SNX7: variants seen among roughly 807,000 people sequenced by gnomAD.
SNX7 encodes sorting nexin 7.
In SNX7, 35 loss-of-function variants were observed where a neutral mutation model predicts 48.4. The ratio of observed to expected loss-of-function variants is 0.72; its 90% CI spans 0.55 to 0.96. SNX7 has a LOEUF of 0.96. Among genes scored for constraint, SNX7 ranks in the 40% least tolerant of loss-of-function variants. The probability of loss-of-function intolerance (pLI) is 0.00; values close to 1 mark genes in which losing one functional copy is unlikely to be tolerated. For synonymous variants in SNX7, 190 were observed against 190.2 expected, an observed-to-expected ratio of 1.00 and a Z score of 0.01; for missense variants, 553 against 548.9, an observed-to-expected ratio of 1.01 and a Z score of -0.07.
chr1:98,693,901 A>G (rs1651283449), intron 4 of SNX7, among the ~76,000 whole-genome samples: 1 of 152,168 alleles, frequency 6.6e-6, no homozygotes, highest in South Asian at 2.1e-4. Context: ...AAGGGCCACA[A>G]TGATTATTAA....
At chr1:98,692,592 T>C (rs1223718301) in intron 4 of SNX7, among the ~76,000 whole-genome samples, 2 of 152,136 alleles carry the variant, frequency 1.3e-5, no homozygotes, top group African/African-American at 2.4e-5. Context: ...TTTTTACTGC[T>C]ACACCCAATT....
At chr1:98,669,359 T>G (rs576833493) in intron 1 of SNX7, among the ~76,000 whole-genome samples, 2 of 152,350 alleles carry the variant, frequency 1.3e-5, no homozygotes, top group African/African-American at 4.8e-5. Context: ...AATAGCCTCA[T>G]AAGGTCTTCA....
At position 98,760,132 on chromosome 1, in the gene SNX7, T is replaced by A; in HGVS notation, c.*1T>A. 1 of 1,602,184 alleles carries A rather than the reference T, an allele frequency of 6.2e-7. No individual in the cohort carries two copies. The highest frequency in any genetic ancestry group is 8.5e-7 in the Non-Finnish European group (1 of 1,169,766). ...AGAAGCCTCTGAAGATAAACCTTAATCCCATTGAGGACTTCTGTTTGATCT... is the reference window on the plus strand; with the variant it reads ...AGAAGCCTCTGAAGATAAACCTTAAACCCATTGAGGACTTCTGTTTGATCT... On this transcript the variant is annotated 3_prime_UTR_variant, in exon 9 of 9. Transcript: ENST00000306121.
In SNX7 at chr1:98,661,749, G is replaced by A. The variant is rs1034584731; in HGVS notation, c.18G>A (p.Arg6=). MEGER[R]ASQAPSSGLP... is the part of the protein sequence containing the mutation. ...CTCTCGGGATGGAGGGCGAGCGCCG[G>A]GCATCGCAGGCGCCCTCCTCGGGCC... The change falls in exon 1 of 9, where the codon CGG becomes CGA. Residue 6 remains arginine (R), a synonymous_variant. Coordinates refer to ENST00000306121, the MANE Select transcript of SNX7 (RefSeq NM_015976.5). The A allele has an allele frequency of 2.4e-6, 3 of 1,235,142 alleles. No homozygotes were observed. Among genetic ancestry groups the A allele is most frequent in the South Asian group, 4.1e-5 (1 of 24,284 alleles). The allele number at this position is 1,235,142 out of a possible 1,614,324, so 76.5% of individuals were successfully genotyped here.
At chr1:98,669,786 A>G (rs1386172048) in intron 1 of SNX7, among the ~76,000 whole-genome samples, 2 of 152,344 alleles carry the variant, frequency 1.3e-5, no homozygotes, top group African/African-American at 2.4e-5. Flanking sequence ...ACCTTCTTCA[A>G]TCCTCAGCTG....
intron 1 of SNX7, among the ~76,000 whole-genome samples, chr1:98,666,559 G>A (rs11166064): frequency 0.089 from 13,592 of 152,128 alleles, 785 homozygotes; most frequent in East Asian, 0.2. Flanking sequence ...AAAATAGATG[G>A]GTGGGGTCGT....
chr1:98,748,418 G>A (rs1484673054), intron 8 of SNX7, among the ~76,000 whole-genome samples: 1 of 152,026 alleles, frequency 6.6e-6, no homozygotes, highest in African/African-American at 2.4e-5. Flanking sequence ...TTATATCATG[G>A]CATAGTCTGT....
intron 7 of SNX7, among the ~76,000 whole-genome samples, chr1:98,734,941 A>G (rs1653699336): frequency 6.6e-6 from 1 of 152,170 alleles, no homozygotes; most frequent in African/African-American, 2.4e-5. Context: ...AATAATACCA[A>G]GCCTTAAATC....
chr1:98,693,133 G>C (rs1254317395), intron 4 of SNX7, among the ~76,000 whole-genome samples: 1 of 151,952 alleles, frequency 6.6e-6, no homozygotes, highest in East Asian at 1.9e-4. Flanking sequence ...TTTTAAGTTA[G>C]GATAAAAGTC....
intron 1 of SNX7, among the ~76,000 whole-genome samples, chr1:98,671,852 T>C (rs1247211335): frequency 6.6e-6 from 1 of 152,204 alleles, no homozygotes; most frequent in African/African-American, 2.4e-5. Flanking sequence ...TCATTTCTAT[T>C]AGAAAAATGA....
At chr1:98,698,595 A>G in intron 5 of SNX7, 111 bp from the exon 6 acceptor site, 1 of 914,176 alleles carries the variant, frequency 1.1e-6, no homozygotes, top group South Asian at 1.8e-5. Flanking sequence ...GTTCTTGTGT[A>G]AGAACATGTG....
chr1:98,750,976 G>A (rs1014350061), intron 8 of SNX7, among the ~76,000 whole-genome samples: 2 of 151,986 alleles, frequency 1.3e-5, no homozygotes, highest in Non-Finnish European at 2.9e-5. Flanking sequence ...GCCACAGTTA[G>A]CCTCTGGAAA....
chr1:98,748,692 A>G (rs553678761), intron 8 of SNX7, among the ~76,000 whole-genome samples: 1 of 151,102 alleles, frequency 6.6e-6, no homozygotes, highest in Admixed American at 6.6e-5. Flanking sequence ...ATCACAAATA[A>G]GAAAGATGGG....
At chr1:98,666,227 G>A (rs1423574175) in intron 1 of SNX7, among the ~76,000 whole-genome samples, 2 of 152,152 alleles carry the variant, frequency 1.3e-5, no homozygotes, top group Non-Finnish European at 2.9e-5. Flanking sequence ...CAGAGTTAGT[G>A]AACAAACAAG....
intron 7 of SNX7, among the ~76,000 whole-genome samples, chr1:98,737,053 C>G (rs1403900274): frequency 2.0e-5 from 3 of 151,744 alleles, no homozygotes; most frequent in African/African-American, 4.9e-5. Context: ...CTTCTCTAAC[C>G]TCACTTCCCA....
intron 1 of SNX7, among the ~76,000 whole-genome samples, chr1:98,675,130 A>G (rs1346044858): frequency 6.6e-6 from 1 of 152,186 alleles, no homozygotes; most frequent in African/African-American, 2.4e-5. Context: ...GGAAAGAACA[A>G]ATTTTATTGA....
chr1:98,695,966 C>T (rs1335256402), intron 5 of SNX7, among the ~76,000 whole-genome samples: 2 of 151,920 alleles, frequency 1.3e-5, no homozygotes, highest in Admixed American at 1.3e-4. Context: ...AAAGTAAGCC[C>T]GAGTTAAAGA....
chr1:98,662,933 C>T, intron 1 of SNX7: 1 of 932,238 alleles, frequency 1.1e-6, no homozygotes, highest in Non-Finnish European at 1.4e-6. Context: ...ATTTCTACTT[C>T]GGTTTAAATG....
chr1:98,662,196 T>G (rs1649274725), intron 1 of SNX7: 4 of 283,274 alleles, frequency 1.4e-5, no homozygotes, highest in African/African-American at 2.2e-5. Flanking sequence ...GTGATTTGTT[T>G]TCCCTTTCTG....
Sources: allele counts gnomAD v4.1 joint callset (sites outside exome capture counted in the v4.1 genomes callset), GRCh38; gene constraint gnomAD v4.1.1; transcripts MANE v1.5; gene names NCBI Gene and HGNC (gene_info 2026-07-23, HGNC 2026-07-21).